Variants in METTL24 observed in about 807,000 individuals in gnomAD.
The protein encoded by METTL24 is probable methyltransferase-like protein 24.
METTL24 carries 29 observed loss-of-function variants against 32.7 expected under a neutral mutation model. The ratio of observed to expected loss-of-function variants is 0.89; its 90% confidence interval spans 0.66 to 1.21. METTL24 has a LOEUF of 1.21. Ranked by LOEUF, METTL24 falls within the 50% of genes most tolerant of loss-of-function variation. The pLI is 0.00. For missense variants in METTL24, 439 were observed against 468.1 expected (o/e 0.94, Z 0.57); for synonymous variants, 163 against 179.5 (o/e 0.91, Z 0.73).
intron 3 of METTL24, among the ~76,000 whole-genome samples, chr6:110,302,465 G>GTGTATATATACACATATACACACACATA (rs1771535367): frequency 1.2e-5 from 1 of 83,674 alleles, no homozygotes; most frequent in African/African-American, 6.9e-5. Flanking sequence ...ACACACATAT[G>GTGTATATATACACATATACACACACATA]TGTATATATA....
intron 3 of METTL24, among the ~76,000 whole-genome samples, chr6:110,308,800 T>C (rs1345545493): frequency 6.6e-6 from 1 of 152,224 alleles, no homozygotes; most frequent in African/African-American, 2.4e-5. Context: ...CATGCTGCAA[T>C]GTGGCTGAAC....
chr6:110,330,618 AACAG>A (rs767261062), intron 1 of METTL24, among the ~76,000 whole-genome samples: 64 of 152,288 alleles, frequency 4.2e-4, no homozygotes, highest in Non-Finnish European at 5.7e-4. Context: ...CTCTGGAGCT[AACAG>A]ACAGACAGAC....
intron 4 of METTL24, among the ~76,000 whole-genome samples, chr6:110,247,589 A>G (rs963594815): frequency 6.6e-6 from 1 of 152,206 alleles, no homozygotes. Context: ...ATTCAGACAT[A>G]AACTGGAATA....
intron 4 of METTL24, among the ~76,000 whole-genome samples, chr6:110,265,025 G>A (rs1237503858): frequency 6.6e-6 from 1 of 151,882 alleles, no homozygotes; most frequent in East Asian, 1.9e-4. Flanking sequence ...TAATGTAAAT[G>A]ACAAGTTAAT....
intron 1 of METTL24, among the ~76,000 whole-genome samples, chr6:110,330,795 A>T (rs1047142188): frequency 1.2e-4 from 19 of 152,242 alleles, no homozygotes; most frequent in African/African-American, 4.3e-4. Flanking sequence ...ACTGCCTGTT[A>T]AAACAAATAT....
intron 4 of METTL24, among the ~76,000 whole-genome samples, chr6:110,283,838 T>C (rs1771176922): frequency 6.6e-6 from 1 of 152,138 alleles, no homozygotes; most frequent in South Asian, 2.1e-4. Context: ...ATACCCAAAA[T>C]AACTGAAAGC....
At chr6:110,253,738 C>A in intron 4 of METTL24, 1 of 569,718 alleles carries the variant, frequency 1.8e-6, no homozygotes, top group Non-Finnish European at 2.7e-6. Context: ...ACACACAAGA[C>A]AAATTCTAAC....
At chr6:110,296,645 A>G (rs1771425118) in intron 4 of METTL24, among the ~76,000 whole-genome samples, 2 of 152,192 alleles carry the variant, frequency 1.3e-5, no homozygotes, top group Non-Finnish European at 1.5e-5. Flanking sequence ...ACAGAATAGG[A>G]AAACTAACAG....
chr6:110,315,482 C>A lies in METTL24; in HGVS notation c.418-1G>T. 1 of 1,613,606 alleles carries A rather than the reference C, an allele frequency of 6.2e-7. No individual in the cohort carries two copies. The highest frequency in any genetic ancestry group is 8.5e-7 in the Non-Finnish European group (1 of 1,179,852). Reference sequence around the variant, plus strand: ...CTGTATTCATGTGATTGCATGCAATCTGTAAAGATTGGAAATCAATGTGAA... The same window carrying A: ...CTGTATTCATGTGATTGCATGCAATATGTAAAGATTGGAAATCAATGTGAA... On this transcript the variant is annotated splice_acceptor_variant, in intron 2 of 4. Transcript: ENST00000338882. LOFTEE classifies it high-confidence loss of function.
chr6:110,310,276 A>G (rs1408642935), intron 3 of METTL24, among the ~76,000 whole-genome samples: 1 of 152,236 alleles, frequency 6.6e-6, no homozygotes, highest in Non-Finnish European at 1.5e-5. Flanking sequence ...AAACTAAAAA[A>G]GAGACAAAAA....
At chr6:110,301,941 T>G (rs1771523171) in intron 3 of METTL24, among the ~76,000 whole-genome samples, 2 of 152,090 alleles carry the variant, frequency 1.3e-5, no homozygotes, top group Non-Finnish European at 2.9e-5. Flanking sequence ...CAGTGTTATT[T>G]TAGGTCACCA....
intron 4 of METTL24, among the ~76,000 whole-genome samples, chr6:110,267,646 A>G (rs1418027703): frequency 6.6e-6 from 1 of 152,134 alleles, no homozygotes; most frequent in African/African-American, 2.4e-5. Flanking sequence ...AACTTTAAGC[A>G]TTTGCTCTGT....
chr6:110,321,721 G>A (rs1232723032), intron 2 of METTL24, among the ~76,000 whole-genome samples: 1 of 152,220 alleles, frequency 6.6e-6, no homozygotes, highest in African/African-American at 2.4e-5. Context: ...TTACGTCCAT[G>A]TTTGGGTGAC....
chr6:110,261,397 A>G (rs2114699871), intron 4 of METTL24, among the ~76,000 whole-genome samples: 1 of 152,378 alleles, frequency 6.6e-6, no homozygotes, highest in South Asian at 2.1e-4. Flanking sequence ...CAAAGGTATC[A>G]ATTCAACAGA....
chr6:110,358,331 C>T lies in METTL24; in HGVS notation c.-59G>A. On this transcript the variant is annotated 5_prime_UTR_variant, in exon 1 of 5. The change creates a new upstream start codon in the 5' untranslated region. Transcript: ENST00000338882. ...GGCCGGCAGCAGGGATGTAGCCCCA[C>T]AGGCCGGAGCGGCCAACTGTGGGAA... 5.5e-6 allele frequency: 7 copies of T among 1,279,464 alleles called. No homozygotes were observed. The highest frequency in any genetic ancestry group is 7.1e-6 in the Non-Finnish European group (7 of 991,612). The allele number at this position is 1,279,464 out of a possible 1,614,324, so 79.3% of individuals were successfully genotyped here. A position where few individuals can be genotyped will look rare whatever the true frequency, so the allele number is the denominator to read the frequency against.
chr6:110,352,325 G>C (rs776232512), intron 1 of METTL24, among the ~76,000 whole-genome samples: 9 of 152,160 alleles, frequency 5.9e-5, no homozygotes, highest in Non-Finnish European at 1.2e-4. Flanking sequence ...GATCAGACAG[G>C]TGAGGTAAAT....
At chr6:110,292,252 T>C (rs1771333775) in intron 4 of METTL24, among the ~76,000 whole-genome samples, 1 of 152,228 alleles carries the variant, frequency 6.6e-6, no homozygotes, top group Admixed American at 6.5e-5. Flanking sequence ...TGGGGCAAAC[T>C]CACAGAAGTA....
At chr6:110,263,778 G>A (rs1300605472) in intron 4 of METTL24, among the ~76,000 whole-genome samples, 1 of 152,132 alleles carries the variant, frequency 6.6e-6, no homozygotes, top group East Asian at 1.9e-4. Context: ...CAGAGATATA[G>A]ACCAATGGAA....
chr6:110,319,418 G>GAGATAGATAGATAGATAGATAGAT (rs10659634), intron 2 of METTL24, among the ~76,000 whole-genome samples: 10 of 148,752 alleles, frequency 6.7e-5, no homozygotes, highest in South Asian at 2.1e-4. Context: ...TAGAGAGGTA[G>GAGATAGATAGATAGATAGATAGAT]AGATAGATAG....
Sources: gnomAD v4.1 joint callset for allele counts (sites outside exome capture counted in the v4.1 genomes callset) on GRCh38, gnomAD v4.1.1 for gene constraint, MANE v1.5 for transcripts, NCBI Gene and HGNC (gene_info 2026-07-23, HGNC 2026-07-21) for gene names.